Variants in SDCCAG8 observed in about 807,000 individuals in gnomAD.
The protein encoded by SDCCAG8 is serologically defined colon cancer antigen 8.
SDCCAG8 carries 74 observed loss-of-function variants against 101.8 expected under a neutral mutation model. The ratio of observed to expected loss-of-function variants is 0.73; its 90% confidence interval spans 0.60 to 0.88. SDCCAG8 has a LOEUF of 0.88. Among genes scored for constraint, SDCCAG8 ranks in the 40% least tolerant of loss-of-function variants. SDCCAG8 has a pLI of 0.00. For synonymous variants in SDCCAG8, 281 were observed against 292.9 expected, an observed-to-expected ratio of 0.96 and a Z score of 0.41; for missense variants, 787 against 822.6, an observed-to-expected ratio of 0.96 and a Z score of 0.53.
intron 12 of SDCCAG8, among the ~76,000 whole-genome samples, chr1:243,359,671 G>A (rs187266012): frequency 6.9e-4 from 105 of 152,208 alleles, no homozygotes; most frequent in Middle Eastern, 6.9e-3. Context: ...TTAAAGTCAG[G>A]GTCTTAACTT....
intron 16 of SDCCAG8, among the ~76,000 whole-genome samples, chr1:243,479,724 G>A (rs959027475): frequency 3.3e-5 from 5 of 152,148 alleles, no homozygotes; most frequent in African/African-American, 7.2e-5. Flanking sequence ...ACTGACGCCA[G>A]AGTATTTTAG....
At chr1:243,411,224 T>C (rs1271321269) in intron 13 of SDCCAG8, among the ~76,000 whole-genome samples, 1 of 152,016 alleles carries the variant, frequency 6.6e-6, no homozygotes, top group African/African-American at 2.4e-5. Flanking sequence ...AAGTGATCCT[T>C]CTGTATCAGC....
At chr1:243,485,050 A>C (rs1266597082) in intron 16 of SDCCAG8, among the ~76,000 whole-genome samples, 5 of 143,646 alleles carry the variant, frequency 3.5e-5, no homozygotes, top group Non-Finnish European at 7.6e-5. Flanking sequence ...TCTCAAAAAA[A>C]AAAAAAGAAG....
At position 243,381,178 on chromosome 1, in the gene SDCCAG8, A is replaced by G. The variant is rs2077926387; in HGVS notation, c.1616+2315A>G. Among the ~76,000 whole-genome samples, 7 of 152,214 alleles carry G rather than the reference A, an allele frequency of 4.6e-5. No individual in the cohort carries two copies. In the South Asian group the frequency reaches 1.4e-3, roughly 32 times the overall value. The stretch of plus-strand genomic sequence containing the variant: ...ACCGTGTTTAAAGTAATGATGAAAT[A>G]AGGATCCAAATCTTTAGAGGCAAAG... On this transcript the variant is annotated intron_variant, in intron 13 of 17. Transcript: ENST00000366541.
At chr1:243,432,298 A>G (rs2081835682) in intron 16 of SDCCAG8, among the ~76,000 whole-genome samples, 1 of 151,952 alleles carries the variant, frequency 6.6e-6, no homozygotes, top group African/African-American at 2.4e-5. Context: ...CAGATACCGT[A>G]TGTTCTCATT....
At chr1:243,283,323 A>T (rs896564338) in intron 4 of SDCCAG8, among the ~76,000 whole-genome samples, 1 of 151,460 alleles carries the variant, frequency 6.6e-6, no homozygotes, top group Non-Finnish European at 1.5e-5. Context: ...CCTGTCATTA[A>T]TTCAGGAAAT....
At chr1:243,303,689 G>A (rs6692535) in intron 6 of SDCCAG8, among the ~76,000 whole-genome samples, 6,695 of 152,094 alleles carry the variant, frequency 0.044, 284 homozygotes, top group African/African-American at 0.12. Context: ...AATACATATA[G>A]CATACAAAAT....
intron 13 of SDCCAG8, among the ~76,000 whole-genome samples, chr1:243,385,131 G>A (rs1239215996): frequency 6.6e-6 from 1 of 152,066 alleles, no homozygotes; most frequent in Non-Finnish European, 1.5e-5. Context: ...GCTCACACCT[G>A]TAATCCCAGG....
chr1:243,342,311 A>G (rs965846110), intron 11 of SDCCAG8, among the ~76,000 whole-genome samples: 58 of 152,366 alleles, frequency 3.8e-4, no homozygotes, highest in African/African-American at 1.4e-3. Context: ...CTGAAAGGAC[A>G]TATACATCAG....
At chr1:243,441,785 T>C (rs1183673730) in intron 16 of SDCCAG8, among the ~76,000 whole-genome samples, 4 of 152,218 alleles carry the variant, frequency 2.6e-5, no homozygotes, top group Non-Finnish European at 4.4e-5. Flanking sequence ...ACAACTGTCA[T>C]TGATCATAAT....
At chr1:243,428,962 G>T (rs183624487) in intron 16 of SDCCAG8, among the ~76,000 whole-genome samples, 1 of 152,314 alleles carries the variant, frequency 6.6e-6, no homozygotes, top group African/African-American at 2.4e-5. Flanking sequence ...AATAACAAGT[G>T]ATCTATTGCA....
Position 243,489,113 on chromosome 1 carries a change from G to A in SDCCAG8, c.2085G>A (p.Ser695=). ...NQLLLERQSL[S]EEVDRLRTQL... ...TTCTCCTGGAGAGGCAGAGCCTGTC[G>A]GAAGAGGTGGACCGGCTGCGGACCC... is the stretch of plus-strand genomic sequence containing the variant. The change falls in exon 17 of 18, where the codon TCG becomes TCA. Residue 695 remains serine, a synonymous_variant. Transcript: ENST00000366541. 1 of 1,612,912 alleles carries A rather than the reference G, an allele frequency of 6.2e-7. No individual in the cohort carries two copies. The highest frequency in any genetic ancestry group is 1.3e-5 in the African/African-American group (1 of 75,046).
intron 11 of SDCCAG8, among the ~76,000 whole-genome samples, chr1:243,342,859 G>T: frequency 6.6e-6 from 1 of 152,118 alleles, no homozygotes; most frequent in East Asian, 1.9e-4. Context: ...CTTTCTGAGG[G>T]CTACTAGGGA....
intron 10 of SDCCAG8, among the ~76,000 whole-genome samples, chr1:243,332,142 T>G (rs2802726): frequency 6.6e-6 from 1 of 151,868 alleles, no homozygotes; most frequent in Non-Finnish European, 1.5e-5. Flanking sequence ...GCATCGCACT[T>G]TCTAGGAATT....
At chr1:243,479,237 A>G (rs1240997246) in intron 16 of SDCCAG8, among the ~76,000 whole-genome samples, 3 of 152,232 alleles carry the variant, frequency 2.0e-5, no homozygotes, top group African/African-American at 7.2e-5. Context: ...GTAAATAGCT[A>G]GCGATATTTG....
In SDCCAG8 at chr1:243,390,384, G is replaced by A. The variant is rs141210326; in HGVS notation, c.1616+11521G>A. Among the ~76,000 whole-genome samples, 138 of 152,280 alleles carry A rather than the reference G, an allele frequency of 9.1e-4. 1 individual carries two copies. The highest frequency in any genetic ancestry group is 3.2e-3 in the African/African-American group (134 of 41,548). On this transcript the variant is annotated intron_variant, in intron 13 of 17. Transcript: ENST00000366541. ...CCCCACCCAGTATCAGAGAAAACAGGCTGTCAGAAAGCCAGAAAAGAAAAG... is the reference window on the plus strand; with the variant it reads ...CCCCACCCAGTATCAGAGAAAACAGACTGTCAGAAAGCCAGAAAAGAAAAG...
At chr1:243,425,840 T>G (rs1326534030) in intron 15 of SDCCAG8, among the ~76,000 whole-genome samples, 2 of 152,168 alleles carry the variant, frequency 1.3e-5, no homozygotes, top group Non-Finnish European at 2.9e-5. Flanking sequence ...GGATAAAGCC[T>G]GCCTGCATGG....
intron 4 of SDCCAG8, among the ~76,000 whole-genome samples, chr1:243,276,258 A>C (rs1488459433): frequency 6.6e-6 from 1 of 152,152 alleles, no homozygotes; most frequent in Non-Finnish European, 1.5e-5. Flanking sequence ...ATTCAGGATG[A>C]ATATGGTTTG....
chr1:243,264,112 CCCCTCCCTG>C (rs2067400655), intron 1 of SDCCAG8, among the ~76,000 whole-genome samples: 1 of 152,148 alleles, frequency 6.6e-6, no homozygotes, highest in Non-Finnish European at 1.5e-5. Flanking sequence ...GGGAGTGGTC[CCCCTCCCTG>C]TCACCAGGGC....
Sources: allele counts gnomAD v4.1 joint callset (sites outside exome capture counted in the v4.1 genomes callset), GRCh38; gene constraint gnomAD v4.1.1; transcripts MANE v1.5; gene names NCBI Gene and HGNC (gene_info 2026-07-23, HGNC 2026-07-21).